The following COL12A1 variants were observed in gnomAD, a reference collection of about 807,000 sequenced individuals.
COL12A1 encodes the protein collagen type XII alpha 1 chain, also known as collagen alpha-1(XII) chain.
A neutral mutation model predicts 349.7 loss-of-function variants in COL12A1; 114 were observed. That is an observed-to-expected ratio of 0.33 (90% CI 0.28 to 0.38). The LOEUF is 0.38. COL12A1 is among the 10% of genes least tolerant of loss of function. The pLI is 1.00. For synonymous variants in COL12A1, 1,369 were observed against 1,329.0 expected (o/e 1.03, Z -0.66); for missense variants, 3,284 against 3,756.9 (o/e 0.87, Z 3.29).
Position 75,138,452 on chromosome 6 carries a change from G to T in COL12A1, c.5226C>A (p.Arg1742=). The T allele has an allele frequency of 6.2e-7, 1 of 1,613,320 alleles. No homozygotes were observed. Among genetic ancestry groups the T allele is most frequent in the East Asian group, 2.2e-5 (1 of 44,860 alleles). Residue 1742 remains arginine (R), a synonymous_variant, in exon 29 of 66, where the codon CGC becomes CGA. Coordinates refer to ENST00000322507, the MANE Select transcript of COL12A1 (RefSeq NM_004370.6). ...ATTTGAAAGCTAAACACCTACGTGT[G>T]CGCTCACTGCCAATCAGGTCATCAC... ...SESDDLIGSE[R]TLPILTTQAP...
At chr6:75,128,960 C>A (rs1247881020) in intron 37 of COL12A1, among the ~76,000 whole-genome samples, 1 of 152,218 alleles carries the variant, frequency 6.6e-6, no homozygotes, top group Non-Finnish European at 1.5e-5. Flanking sequence ...ATTCAACTAC[C>A]TCTTCGAAGA....
At chr6:75,186,622 A>C (rs935705999) in intron 8 of COL12A1, among the ~76,000 whole-genome samples, 1 of 152,234 alleles carries the variant, frequency 6.6e-6, no homozygotes, top group African/African-American at 2.4e-5. Flanking sequence ...TACTGGGTAT[A>C]TACCCAAGGA....
Position 75,143,271 on chromosome 6 carries a change from G to T in COL12A1, c.4808C>A (p.Pro1603Gln). 1 of 1,613,656 alleles carries T rather than the reference G, an allele frequency of 6.2e-7. No homozygotes were observed. The highest frequency in any genetic ancestry group is 8.5e-7 in the Non-Finnish European group (1 of 1,179,838). Reference protein sequence around the residue: ...VRKYIVRYKTPEEDVKEVEVD... With the variant: ...VRKYIVRYKTQEEDVKEVEVD... The stretch of plus-strand genomic sequence containing the variant: ...ACCTACCTCTTTGACATCCTCTTCT[G>T]GTGTTTTGTATCGAACAATATATTT... The change falls in exon 26 of 66, where the codon CCA becomes CAA. Residue 1603 changes from proline (P) to glutamine (Q), a missense_variant. Pro to Gln is a moderately conservative substitution (Grantham distance 76, BLOSUM62 -1). This residue lies in a region of COL12A1 where 2,601 missense variants were observed against 2,824.8 expected (regional missense o/e 0.92). Transcript: ENST00000322507.
rs1441241348 is a variant in COL12A1 at position 75,125,292 on chromosome 6, A to C, written c.6461-19T>G. Reference sequence around the variant, plus strand: ...TTGGAACCTTTATTAACAACCACAAAAATACACAGAAACATGCCATCAATA... The same window carrying C: ...TTGGAACCTTTATTAACAACCACAACAATACACAGAAACATGCCATCAATA... On this transcript the variant is annotated intron_variant, in intron 39 of 65. Transcript: ENST00000322507. 2 of 1,578,038 alleles carry C rather than the reference A, an allele frequency of 1.3e-6. No individual in the cohort carries two copies.
intron 23 of COL12A1, 61 bp downstream of exon 23, chr6:75,147,614 G>A (rs1767265385): frequency 3.4e-6 from 5 of 1,463,046 alleles, no homozygotes; most frequent in Non-Finnish European, 4.6e-6. Context: ...GGCAAAAATG[G>A]GCCATCATGC....
Position 75,091,584 on chromosome 6 carries a change from G to C in COL12A1, c.8650-59C>G. The C allele has an allele frequency of 6.7e-6, 10 of 1,487,742 alleles. No individual in the cohort carries two copies. In the South Asian group the frequency reaches 9.3e-5, roughly 14 times the overall value. The allele number at this position is 1,487,742 out of a possible 1,614,324, so 92.2% of individuals were successfully genotyped here. On this transcript the variant is annotated intron_variant, in intron 60 of 65. Transcript: ENST00000322507. ...ACAAACATACTCTAAAATGATGCAT[G>C]AATAGACATAATGATGAACGAGAAC...
chr6:75,128,284 C>T lies in COL12A1; in HGVS notation c.6340+12G>A, dbSNP rs749187959. The T allele has an allele frequency of 5.7e-6, 9 of 1,587,092 alleles. No homozygotes were observed. Among genetic ancestry groups the T allele is most frequent in the Non-Finnish European group, 7.7e-6 (9 of 1,168,750 alleles). On this transcript the variant is annotated intron_variant, in intron 38 of 65. Coordinates refer to ENST00000322507, the MANE Select transcript of COL12A1 (RefSeq NM_004370.6). The stretch of plus-strand genomic sequence containing the variant: ...CAAAGCAAAAATAAAAGGGGGAGTA[C>T]AAAACACTTACCAGTTCTTCCATTT...
chr6:75,117,320 T>C (rs1769130917), intron 47 of COL12A1, 62 bp downstream of exon 47: 1 of 1,532,328 alleles, frequency 6.5e-7, no homozygotes. Flanking sequence ...TATAGAATTG[T>C]CTACTAAGTA....
At chr6:75,205,382 C>T (rs111572046) in intron 1 of COL12A1, among the ~76,000 whole-genome samples, 1 of 151,602 alleles carries the variant, frequency 6.6e-6, no homozygotes, top group Non-Finnish European at 1.5e-5. Context: ...CTTCCCAGCG[C>T]CCCCGCCGCA....
At chr6:75,204,466 A>G in intron 1 of COL12A1, among the ~76,000 whole-genome samples, 1 of 152,176 alleles carries the variant, frequency 6.6e-6, no homozygotes, top group East Asian at 1.9e-4. Context: ...GCGCCGGGAT[A>G]TCGGAACGCC....
intron 8 of COL12A1, among the ~76,000 whole-genome samples, chr6:75,186,880 TACC>T (rs1464060471): frequency 4.0e-5 from 6 of 151,836 alleles, no homozygotes; most frequent in African/African-American, 1.5e-4. Flanking sequence ...GAAAACCAAA[TACC>T]ACATGTTCTT....
In COL12A1 at chr6:75,148,405, G is replaced by A. The variant is rs1767310072; in HGVS notation, c.4240C>T (p.Arg1414Ter). The change falls in exon 22 of 66, where the codon CGA becomes TGA. Residue 1414 changes from arginine to a stop codon, truncating the protein, a stop_gained. Coordinates refer to ENST00000322507, the MANE Select transcript of COL12A1 (RefSeq NM_004370.6). LOFTEE classifies it high-confidence loss of function. The stretch of plus-strand genomic sequence containing the variant: ...ACTGGATAGTATTCCACCTTATATC[G>A]ATCCACACTGTCAGAAGGTGGTGTC... ...SWTPPSDSVD[R>*]YKVEYYPVSG... The A allele has an allele frequency of 3.1e-6, 5 of 1,613,244 alleles. No individual in the cohort carries two copies. Among genetic ancestry groups the A allele is most frequent in the Non-Finnish European group, 4.2e-6 (5 of 1,179,436 alleles).
Position 75,202,778 on chromosome 6 carries a change from A to G in COL12A1, c.15T>C (p.Leu5=), listed in dbSNP as rs570606930. ...CGCCCAGGGCGGCAAGCGCTGGGGGAAGCCTACTCCGCATCCTTGGCCTCC... is the reference window on the plus strand; with the variant it reads ...CGCCCAGGGCGGCAAGCGCTGGGGGGAGCCTACTCCGCATCCTTGGCCTCC... MRSR[L]PPALAALGAA... The change falls in exon 2 of 66, where the codon CTT becomes CTC. Residue 5 remains leucine (L), a synonymous_variant. Transcript: ENST00000322507. 7 of 1,551,796 alleles carry G rather than the reference A, an allele frequency of 4.5e-6. No individual in the cohort carries two copies. In the East Asian group the frequency reaches 1.2e-4, roughly 27 times the overall value.
At chr6:75,095,623 CAAAAAAAAAAAAAAAAA>C (rs58205028) in intron 59 of COL12A1, among the ~76,000 whole-genome samples, 2 of 102,092 alleles carry the variant, frequency 2.0e-5, no homozygotes, top group Admixed American at 9.7e-5. Flanking sequence ...GACTCCGTCT[CAAAAAAAAAAAAAAAAA>C]AAAAAAAAAA....
chr6:75,109,177 T>A lies in COL12A1; in HGVS notation c.7951-10A>T, dbSNP rs772213358. 6.5e-7 allele frequency: 1 copy of A among 1,542,856 alleles called. No individual in the cohort carries two copies. Among genetic ancestry groups the A allele is most frequent in the Non-Finnish European group, 8.8e-7 (1 of 1,141,834 alleles). ...TCACTACAATATGAACCTAAAAAGA[T>A]AATTTGTTTCCATTATAAAATTTCT... On this transcript the variant is annotated splice_polypyrimidine_tract_variant and intron_variant, in intron 51 of 65. Coordinates refer to ENST00000322507, the MANE Select transcript of COL12A1 (RefSeq NM_004370.6).
At chr6:75,200,254 C>G (rs1477138880) in intron 2 of COL12A1, among the ~76,000 whole-genome samples, 1 of 152,128 alleles carries the variant, frequency 6.6e-6, no homozygotes, top group Non-Finnish European at 1.5e-5. Flanking sequence ...CGGAAGCAAC[C>G]AGACATCTGT....
At chr6:75,156,595 T>G (rs1767784430) in intron 14 of COL12A1, 72 bp from the exon 15 acceptor site, 4 of 1,420,904 alleles carry the variant, frequency 2.8e-6, no homozygotes, top group Non-Finnish European at 3.9e-6. Context: ...TTCATTTATG[T>G]GAAAAGAAAC....
At chr6:75,156,142 A>T in intron 15 of COL12A1, 115 bp downstream of exon 15, 1 of 1,284,974 alleles carries the variant, frequency 7.8e-7, no homozygotes, top group Non-Finnish European at 1.1e-6. Context: ...TAGTAATTAT[A>T]ATTTAACTTA....
chr6:75,119,927 C>T (rs1368623603), intron 44 of COL12A1, among the ~76,000 whole-genome samples: 2 of 152,166 alleles, frequency 1.3e-5, no homozygotes, highest in Non-Finnish European at 2.9e-5. Flanking sequence ...TCCCTCATCA[C>T]AACCTCATTG....
Sources: allele counts gnomAD v4.1 joint callset (sites outside exome capture counted in the v4.1 genomes callset), GRCh38; gene constraint gnomAD v4.1.1; regional missense constraint gnomAD v4.1.1; transcripts MANE v1.5; gene names NCBI Gene and HGNC (gene_info 2026-07-23, HGNC 2026-07-21).